Variants in NUP210L observed in about 807,000 individuals in gnomAD.
NUP210L encodes nucleoporin 210 like, also known as nuclear pore membrane glycoprotein 210-like.
A neutral mutation model predicts 208.5 loss-of-function variants in NUP210L; 74 were observed. The observed-to-expected ratio is 0.35, with a 90% CI of 0.29 to 0.43. NUP210L has a LOEUF of 0.43. Among genes scored for constraint, NUP210L ranks in the 20% least tolerant of loss-of-function variants. NUP210L has a pLI of 1.00. For missense variants in NUP210L, 1,843 were observed against 2,289.4 expected (o/e 0.81, Z 3.98); for synonymous variants, 780 against 816.9 (o/e 0.95, Z 0.77).
At chr1:154,013,581 C>T (rs1346466195) in intron 33 of NUP210L, among the ~76,000 whole-genome samples, 1 of 146,594 alleles carries the variant, frequency 6.8e-6, no homozygotes, top group Non-Finnish European at 1.5e-5. Context: ...CTCAAAAAAA[C>T]AAAACAAAAC....
At chr1:154,031,644 T>C (rs1478126441) in intron 27 of NUP210L, among the ~76,000 whole-genome samples, 1 of 151,828 alleles carries the variant, frequency 6.6e-6, no homozygotes, top group Non-Finnish European at 1.5e-5. Flanking sequence ...TTTGTCTATC[T>C]ATACTTGGCT....
At chr1:154,013,464 C>T (rs914848722) in intron 33 of NUP210L, among the ~76,000 whole-genome samples, 8 of 151,944 alleles carry the variant, frequency 5.3e-5, no homozygotes, top group Non-Finnish European at 1.2e-4. Context: ...ATCCCAGCTA[C>T]CAGGGAGGCT....
At chr1:154,114,101 C>T (rs1398745377) in intron 12 of NUP210L, among the ~76,000 whole-genome samples, 2 of 150,888 alleles carry the variant, frequency 1.3e-5, no homozygotes, top group Non-Finnish European at 2.9e-5. Flanking sequence ...CAAGATCGCA[C>T]CACTGCACTC....
chr1:154,025,030 G>A (rs1045013461), intron 30 of NUP210L, among the ~76,000 whole-genome samples: 2 of 147,428 alleles, frequency 1.4e-5, no homozygotes, highest in Non-Finnish European at 3.0e-5. Context: ...CGGGGTTCAC[G>A]GCATTCTCCT....
chr1:154,054,924 A>C, intron 23 of NUP210L, 92 bp from the exon 24 acceptor site: 1 of 826,552 alleles, frequency 1.2e-6, no homozygotes, highest in Non-Finnish European at 2.0e-6. Context: ...TTTTTTAGAC[A>C]GAGTCTTGCT....
chr1:154,147,413 C>T (rs1000176923), intron 2 of NUP210L, among the ~76,000 whole-genome samples: 1 of 152,002 alleles, frequency 6.6e-6, no homozygotes, highest in African/African-American at 2.4e-5. Flanking sequence ...TCATGGCTCA[C>T]TGCAGCCTCA....
rs1331178615 is a variant in NUP210L at position 154,055,159 on chromosome 1, CTTTCTTTCTTTCTTTCT to C, written c.3241-344_3241-328del. ...TCTTTCTTTCTTTCTTTCTTTCTTT[CTTTCTTTCTTTCTTTCT>C]TTCTTTCTTTCTTTTTCTTTCTTTC... On this transcript the variant is annotated intron_variant, in intron 23 of 39. Transcript: ENST00000368559. Among the ~76,000 whole-genome samples the C allele has an allele frequency of 3.0e-4, 35 of 115,480 alleles. 1 individual carries two copies. The South Asian group carries it at 3.2e-3, about 11-fold the overall frequency. 75.8% of individuals were successfully genotyped at this position (115,480 alleles called of 152,430 possible).
chr1:154,113,333 C>A (rs539571063), intron 12 of NUP210L, among the ~76,000 whole-genome samples: 10 of 151,448 alleles, frequency 6.6e-5, no homozygotes, highest in Admixed American at 5.3e-4. Flanking sequence ...CGCACACACA[C>A]ACATAAACAC....
intron 8 of NUP210L, among the ~76,000 whole-genome samples, chr1:154,127,852 G>T (rs1658063362): frequency 6.6e-6 from 1 of 151,224 alleles, no homozygotes; most frequent in Non-Finnish European, 1.5e-5. Flanking sequence ...ACTGTGCCTG[G>T]TCTAAAGTAG....
chr1:154,139,649 T>C (rs1223665706), intron 5 of NUP210L, among the ~76,000 whole-genome samples, 153 bp downstream of exon 5: 1 of 149,000 alleles, frequency 6.7e-6, no homozygotes, highest in Admixed American at 6.7e-5. Flanking sequence ...GGCAACCTGG[T>C]GAAACCCTGT....
chr1:154,137,669 C>G (rs994283749), intron 6 of NUP210L, among the ~76,000 whole-genome samples: 41 of 152,006 alleles, frequency 2.7e-4, no homozygotes, highest in African/African-American at 9.9e-4. Context: ...GAGCCATGAT[C>G]ATGCCACTGT....
intron 12 of NUP210L, among the ~76,000 whole-genome samples, chr1:154,114,328 T>C (rs978021323): frequency 6.6e-6 from 1 of 152,090 alleles, no homozygotes; most frequent in African/African-American, 2.4e-5. Flanking sequence ...TCTTTTATTT[T>C]GTCATTTTTG....
At chr1:154,072,738 G>A (rs1171467679) in intron 16 of NUP210L, among the ~76,000 whole-genome samples, 1 of 152,076 alleles carries the variant, frequency 6.6e-6, no homozygotes, top group Admixed American at 6.6e-5. Context: ...ATGAAACTGG[G>A]TCCTCATCCC....
chr1:153,993,426 C>T (rs949179797), intron 38 of NUP210L, among the ~76,000 whole-genome samples: 5 of 151,872 alleles, frequency 3.3e-5, no homozygotes, highest in African/African-American at 1.2e-4. Flanking sequence ...ATTAGCTGGG[C>T]GTGTTGGCGG....
At position 154,078,079 on chromosome 1, in the gene NUP210L, C is replaced by T. The variant is rs370907943; in HGVS notation, c.2362-7614G>A. ...CAGCACTTTGGGAGGTCGAGGTGGG[C>T]GGATCGCTTGAGCCCAGGAGTTCAA... On this transcript the variant is annotated intron_variant, in intron 16 of 39. Transcript: ENST00000368559. Among the ~76,000 whole-genome samples the T allele has an allele frequency of 6.2e-4, 94 of 150,422 alleles. No homozygotes were observed. In the South Asian group the frequency reaches 0.014, roughly 22 times the overall value.
intron 32 of NUP210L, among the ~76,000 whole-genome samples, chr1:154,021,346 G>C (rs1651550979): frequency 6.6e-6 from 1 of 152,046 alleles, no homozygotes. Context: ...AATTAGCCAG[G>C]CGTGGTGTTG....
intron 37 of NUP210L, chr1:153,995,655 A>C: frequency 3.8e-6 from 5 of 1,320,198 alleles, no homozygotes; most frequent in Non-Finnish European, 5.4e-6. Context: ...TGACATACCA[A>C]CGTAGGCTTT....
intron 29 of NUP210L, among the ~76,000 whole-genome samples, chr1:154,026,435 G>A (rs185044393): frequency 6.2e-4 from 95 of 152,046 alleles, no homozygotes; most frequent in African/African-American, 2.0e-3. Context: ...TGCAGCCTCC[G>A]CCTCCCGGGT....
At chr1:154,047,283 T>C (rs747950924) in intron 25 of NUP210L, among the ~76,000 whole-genome samples, 6 of 151,982 alleles carry the variant, frequency 3.9e-5, no homozygotes, top group Admixed American at 6.5e-5. Flanking sequence ...AAAGGATAAA[T>C]GCTTGAGGTG....
Sources: allele counts gnomAD v4.1 joint callset (sites outside exome capture counted in the v4.1 genomes callset), GRCh38; gene constraint gnomAD v4.1.1; transcripts MANE v1.5; gene names NCBI Gene and HGNC (gene_info 2026-07-23, HGNC 2026-07-21).